The following REV1 variants were observed in gnomAD, a reference collection of about 807,000 sequenced individuals.
The protein encoded by REV1 is translesion synthesis protein REV1.
A neutral mutation model predicts 137.4 loss-of-function variants in REV1; 42 were observed. That is an observed-to-expected ratio of 0.31 (90% CI 0.24 to 0.40). The LOEUF is 0.40. Ranked by LOEUF, REV1 falls within the 10% of genes least tolerant of loss-of-function variation. REV1 has a pLI of 1.00. For synonymous variants in REV1, 524 were observed against 519.2 expected (o/e 1.01, Z -0.12); for missense variants, 1,282 against 1,490.1 (o/e 0.86, Z 2.30).
At chr2:99,412,282 A>T (rs113660960) in intron 13 of REV1, among the ~76,000 whole-genome samples, 2 of 140,250 alleles carry the variant, frequency 1.4e-5, no homozygotes, top group African/African-American at 5.4e-5. Flanking sequence ...AAAAAAAAAA[A>T]CATATCCAAA....
chr2:99,442,622 T>C (rs1247279648), intron 4 of REV1, among the ~76,000 whole-genome samples, 153 bp from the exon 5 acceptor site: 1 of 152,174 alleles, frequency 6.6e-6, no homozygotes, highest in Admixed American at 6.5e-5. Flanking sequence ...TTAGTGGTCC[T>C]AATACAATAT....
At chr2:99,434,153 C>T (rs1320042183) in intron 8 of REV1, among the ~76,000 whole-genome samples, 179 bp downstream of exon 8, 3 of 152,186 alleles carry the variant, frequency 2.0e-5, no homozygotes, top group Admixed American at 1.3e-4. Flanking sequence ...TCACTCTCTA[C>T]TTCAGGAAAA....
chr2:99,477,799 C>CA (rs1227194018), intron 1 of REV1, among the ~76,000 whole-genome samples: 2 of 151,984 alleles, frequency 1.3e-5, no homozygotes, highest in Non-Finnish European at 2.9e-5. Flanking sequence ...TCATAACTAC[C>CA]AAAAAAAGAT....
At chr2:99,447,197 G>A (rs1004967209) in intron 4 of REV1, among the ~76,000 whole-genome samples, 5 of 150,028 alleles carry the variant, frequency 3.3e-5, no homozygotes, top group South Asian at 2.1e-4. Flanking sequence ...TCACTTTGTC[G>A]CCAGGCTGGA....
intron 4 of REV1, among the ~76,000 whole-genome samples, chr2:99,449,001 TAGAA>T (rs1445988671): frequency 1.4e-4 from 21 of 152,112 alleles, no homozygotes; most frequent in South Asian, 6.2e-4. Flanking sequence ...ATAAAAGAAA[TAGAA>T]AGGCCATGCG....
At chr2:99,406,562 C>T (rs1214575358) in intron 15 of REV1, 72 bp from the exon 16 acceptor site, 24 of 1,249,592 alleles carry the variant, frequency 1.9e-5, no homozygotes, top group African/African-American at 3.0e-5. Flanking sequence ...AAGCAAAATC[C>T]TCAGCAAATC....
intron 14 of REV1, among the ~76,000 whole-genome samples, chr2:99,410,143 T>C (rs1676936863): frequency 1.3e-5 from 2 of 152,006 alleles, no homozygotes; most frequent in Non-Finnish European, 2.9e-5. Flanking sequence ...CCTGAGTAGC[T>C]GGGACTACAG....
chr2:99,430,240 A>G (rs1679945536), intron 8 of REV1, among the ~76,000 whole-genome samples: 1 of 152,116 alleles, frequency 6.6e-6, no homozygotes, highest in Admixed American at 6.5e-5. Context: ...TATAACACAC[A>G]GTCCCTGGAG....
chr2:99,408,127 C>T lies in REV1; in HGVS notation c.2350G>A (p.Val784Ile). ...HGICDNIART[V>I]TLDQATDNAK... ...TTATCTGTTGCCTGGTCAAGAGTTACAGTCCTGTAAGTGATAGAATTAAAA... is the reference window on the plus strand; with the variant it reads ...TTATCTGTTGCCTGGTCAAGAGTTATAGTCCTGTAAGTGATAGAATTAAAA... The change falls in exon 15 of 23, where the codon GTA becomes ATA. Residue 784 changes from valine (V) to isoleucine (I), a missense_variant. By Grantham distance (29) the Val-to-Ile change is conservative. This residue lies in a region of REV1 where 372 missense variants were observed against 482.3 expected (regional missense o/e 0.77). Transcript: ENST00000258428. 6.3e-7 allele frequency: 1 copy of T among 1,597,174 alleles called. No individual in the cohort carries two copies. Among genetic ancestry groups the T allele is most frequent in the African/African-American group, 1.3e-5 (1 of 74,592 alleles).
In REV1 at chr2:99,401,184, T is replaced by C; in HGVS notation, c.*57A>G. ...GCATTACTATCATGCACTTTGCAAATACCTCACAAGCACTTATGGCACAGC... is the reference window on the plus strand; with the variant it reads ...GCATTACTATCATGCACTTTGCAAACACCTCACAAGCACTTATGGCACAGC... On this transcript the variant is annotated 3_prime_UTR_variant, in exon 23 of 23. Transcript: ENST00000258428. 9.5e-7 allele frequency: 1 copy of C among 1,050,608 alleles called. No homozygotes were observed. Among genetic ancestry groups the C allele is most frequent in the Non-Finnish European group, 1.5e-6 (1 of 676,514 alleles). The allele number at this position is 1,050,608 out of a possible 1,614,324, so 65.1% of individuals were successfully genotyped here.
chr2:99,478,618 G>A (rs1575242464), intron 1 of REV1, among the ~76,000 whole-genome samples: 3 of 152,206 alleles, frequency 2.0e-5, no homozygotes, highest in Non-Finnish European at 4.4e-5. Context: ...GGCCACAGCA[G>A]AAGAGCTAGT....
chr2:99,423,143 C>T (rs1355353362), intron 10 of REV1, among the ~76,000 whole-genome samples: 1 of 152,214 alleles, frequency 6.6e-6, no homozygotes, highest in Non-Finnish European at 1.5e-5. Flanking sequence ...AGTTCCTTCA[C>T]ATTTTCTCTC....
intron 10 of REV1, among the ~76,000 whole-genome samples, chr2:99,422,906 T>A (rs1335012010): frequency 6.6e-6 from 1 of 152,146 alleles, no homozygotes; most frequent in Non-Finnish European, 1.5e-5. Flanking sequence ...CCCATCCCTA[T>A]CTAGCCCTCG....
rs184469968 is a variant in REV1 at position 99,404,747 on chromosome 2, C to T, written c.2812-70G>A. ...GAGATGAGGTGTTTGGGAGTTAACACGCCACTTTAAATTTCAATTTGAATA... is the reference window on the plus strand; with the variant it reads ...GAGATGAGGTGTTTGGGAGTTAACATGCCACTTTAAATTTCAATTTGAATA... On this transcript the variant is annotated intron_variant, in intron 17 of 22. Coordinates refer to ENST00000258428, the MANE Select transcript of REV1 (RefSeq NM_016316.4). 3,325 of 1,029,708 alleles carry T rather than the reference C, an allele frequency of 3.2e-3. 27 individuals carry two copies. The highest frequency in any genetic ancestry group is 8.1e-3 in the South Asian group (595 of 73,010). The allele number at this position is 1,029,708 out of a possible 1,614,324, so 63.8% of individuals were successfully genotyped here. A position where few individuals can be genotyped will look rare whatever the true frequency, so the allele number is the denominator to read the frequency against.
chr2:99,413,062 A>C (rs1279641894), intron 12 of REV1, 111 bp from the exon 13 acceptor site: 12 of 796,642 alleles, frequency 1.5e-5, no homozygotes, highest in Non-Finnish European at 2.4e-5. Context: ...ATAATCTTTA[A>C]AGTCTTTAGG....
At chr2:99,424,037 A>G (rs1039568032) in intron 10 of REV1, 115 bp downstream of exon 10, 1 of 1,121,488 alleles carries the variant, frequency 8.9e-7, no homozygotes, top group Middle Eastern at 2.8e-4. Context: ...GGTTCCTGGA[A>G]GATAAAATTC....
chr2:99,441,826 T>A (rs1681522259), intron 5 of REV1, among the ~76,000 whole-genome samples: 1 of 152,224 alleles, frequency 6.6e-6, no homozygotes, highest in Non-Finnish European at 1.5e-5. Context: ...GAAATTATCA[T>A]TATAAAAATA....
rs1575073220 is a variant in REV1, at chr2:99,429,832, C to G, written c.1547+8G>C. 6.6e-7 allele frequency: 1 copy of G among 1,514,954 alleles called. No homozygotes were observed. The allele number at this position is 1,514,954 out of a possible 1,614,324, so 93.8% of individuals were successfully genotyped here. ...CATTAAGAATTGTAACACACAACTT[C>G]TACATACCTGGCCTCATAACTACAA... On this transcript the variant is annotated splice_region_variant and intron_variant, in intron 9 of 22. Coordinates refer to ENST00000258428, the MANE Select transcript of REV1 (RefSeq NM_016316.4).
At chr2:99,458,276 GA>G (rs1448962231) in intron 3 of REV1, among the ~76,000 whole-genome samples, 1 of 151,768 alleles carries the variant, frequency 6.6e-6, no homozygotes, top group East Asian at 1.9e-4. Flanking sequence ...AGAAAATGAG[GA>G]AAAAAATATG....
Sources: allele counts gnomAD v4.1 joint callset (sites outside exome capture counted in the v4.1 genomes callset), GRCh38; gene constraint gnomAD v4.1.1; regional missense constraint gnomAD v4.1.1; transcripts MANE v1.5; gene names NCBI Gene and HGNC (gene_info 2026-07-23, HGNC 2026-07-21).